The following FILIP1L variants were observed in gnomAD, a reference collection of about 807,000 sequenced individuals.
FILIP1L encodes the protein filamin A interacting protein 1 like, also known as filamin A-interacting protein 1-like.
A neutral mutation model predicts 96.6 loss-of-function variants in FILIP1L; 55 were observed. That is an observed-to-expected ratio of 0.57 (90% CI 0.46 to 0.71). FILIP1L has a LOEUF of 0.71. FILIP1L is among the 30% of genes least tolerant of loss of function. FILIP1L has a pLI of 0.00. For synonymous variants in FILIP1L, 467 were observed against 473.9 expected (o/e 0.99, Z 0.19); for missense variants, 1,304 against 1,321.2 (o/e 0.99, Z 0.20).
chr3:99,861,846 C>T (rs1425132665), intron 4 of FILIP1L, among the ~76,000 whole-genome samples: 4 of 152,122 alleles, frequency 2.6e-5, no homozygotes, highest in Non-Finnish European at 5.9e-5. Flanking sequence ...AGCTGAATCC[C>T]GGCTTTCCAA....
At chr3:99,831,571 T>C (rs923637540) in intron 5 of FILIP1L, among the ~76,000 whole-genome samples, 6 of 152,230 alleles carry the variant, frequency 3.9e-5, no homozygotes, top group Admixed American at 1.3e-4. Flanking sequence ...TTGAAGTCAG[T>C]GACAGACTAA....
chr3:100,032,578 AT>A (rs1346635005), intron 1 of FILIP1L, among the ~76,000 whole-genome samples: 4 of 152,238 alleles, frequency 2.6e-5, no homozygotes, highest in Non-Finnish European at 5.9e-5. Flanking sequence ...CAGAAAATGC[AT>A]TTTGTATCAC....
At chr3:99,887,700 C>T (rs752610134) in intron 4 of FILIP1L, among the ~76,000 whole-genome samples, 1 of 152,162 alleles carries the variant, frequency 6.6e-6, no homozygotes, top group Non-Finnish European at 1.5e-5. Flanking sequence ...TGAAATGGAA[C>T]TGGGAATACC....
chr3:99,993,352 A>G (rs1451238062), intron 1 of FILIP1L, among the ~76,000 whole-genome samples: 2 of 151,962 alleles, frequency 1.3e-5, no homozygotes, highest in Non-Finnish European at 2.9e-5. Context: ...TCACTAGTTC[A>G]TTTGTCAAAT....
intron 1 of FILIP1L, among the ~76,000 whole-genome samples, chr3:100,039,100 A>T (rs1365959999): frequency 6.6e-6 from 1 of 152,242 alleles, no homozygotes; most frequent in East Asian, 1.9e-4. Context: ...ATAGGAAATT[A>T]TGCTTTCACC....
chr3:99,865,504 G>C (rs1487266281), intron 4 of FILIP1L, among the ~76,000 whole-genome samples: 1 of 152,148 alleles, frequency 6.6e-6, no homozygotes, highest in Non-Finnish European at 1.5e-5. Flanking sequence ...CCTTGATCTT[G>C]AGACATTAGC....
chr3:99,925,755 T>C (rs1348119476), intron 3 of FILIP1L: 3 of 581,728 alleles, frequency 5.2e-6, no homozygotes, highest in Non-Finnish European at 6.5e-6. Context: ...GTGCACTTGG[T>C]GGAAGTGGAG....
intron 5 of FILIP1L, among the ~76,000 whole-genome samples, 163 bp from the exon 6 acceptor site, chr3:99,830,768 T>C (rs931598819): frequency 1.3e-5 from 2 of 152,186 alleles, no homozygotes; most frequent in Non-Finnish European, 2.9e-5. Flanking sequence ...AGAATGTCAG[T>C]AAAGTAATCT....
intron 1 of FILIP1L, among the ~76,000 whole-genome samples, chr3:100,023,008 T>TA (rs2064853658): frequency 6.6e-6 from 1 of 152,198 alleles, no homozygotes. Flanking sequence ...TGCCTGCTGT[T>TA]AGAGTAGCCA....
In FILIP1L at chr3:99,850,518, A is replaced by G; in HGVS notation, c.1158T>C (p.Asp386=). The change falls in exon 5 of 6, where the codon GAT becomes GAC. Residue 386 remains aspartate (D), a synonymous_variant. Transcript: ENST00000477258. ...RKRVLDMEGK[D]EELIKMEEQC... Reference sequence around the variant, plus strand: ...GCTCCTCCATTTTTATGAGCTCTTCATCTTTCCCTTCCATATCTAGCACAC... The same window carrying G: ...GCTCCTCCATTTTTATGAGCTCTTCGTCTTTCCCTTCCATATCTAGCACAC... 6.2e-7 allele frequency: 1 copy of G among 1,613,130 alleles called. No homozygotes were observed. The highest frequency in any genetic ancestry group is 8.5e-7 in the Non-Finnish European group (1 of 1,179,866).
intron 1 of FILIP1L, among the ~76,000 whole-genome samples, chr3:99,989,941 T>C (rs1477190752): frequency 2.0e-5 from 3 of 152,144 alleles, no homozygotes; most frequent in Non-Finnish European, 4.4e-5. Flanking sequence ...TGGTACGTGC[T>C]TAAGAGTGCA....
chr3:99,899,477 A>G (rs1706366487), intron 4 of FILIP1L, among the ~76,000 whole-genome samples: 1 of 152,220 alleles, frequency 6.6e-6, no homozygotes, highest in South Asian at 2.1e-4. Context: ...TATATTAATG[A>G]CACAACTAAA....
intron 1 of FILIP1L, among the ~76,000 whole-genome samples, chr3:100,095,929 A>C (rs2107445828): frequency 6.6e-6 from 1 of 152,328 alleles, no homozygotes; most frequent in South Asian, 2.1e-4. Context: ...CATAAGAAAA[A>C]AATGAATAAT....
Sources: gnomAD v4.1 joint callset for allele counts (sites outside exome capture counted in the v4.1 genomes callset) on GRCh38, gnomAD v4.1.1 for gene constraint, MANE v1.5 for transcripts, NCBI Gene and HGNC (gene_info 2026-07-23, HGNC 2026-07-21) for gene names.